The following ADGRL3 variants were observed in gnomAD, a reference collection of about 807,000 sequenced individuals.
ADGRL3 encodes the protein adhesion G protein-coupled receptor L3.
A neutral mutation model predicts 153.5 loss-of-function variants in ADGRL3; 62 were observed. The ratio of observed to expected loss-of-function variants is 0.40; its 90% CI spans 0.33 to 0.50. ADGRL3 has a LOEUF of 0.50. Among genes scored for constraint, ADGRL3 ranks in the 20% least tolerant of loss-of-function variants. The pLI is 0.47. For missense variants in ADGRL3, 1,641 were observed against 1,859.4 expected (o/e 0.88, Z 2.16); for synonymous variants, 710 against 672.5 (o/e 1.06, Z -0.86).
intron 9 of ADGRL3, among the ~76,000 whole-genome samples, chr4:61,861,048 A>G (rs1017625336): frequency 1.3e-5 from 2 of 152,226 alleles, no homozygotes; most frequent in Non-Finnish European, 2.9e-5. Flanking sequence ...ATTTCCAAGT[A>G]TAGTGAAGAT....
intron 8 of ADGRL3, among the ~76,000 whole-genome samples, chr4:61,745,869 T>C (rs1021048519): frequency 5.3e-5 from 8 of 152,108 alleles, no homozygotes; most frequent in African/African-American, 1.9e-4. Context: ...ATATTAACTT[T>C]AAATGTAAAT....
At chr4:61,204,199 A>G (rs1046123833) in intron 1 of ADGRL3, among the ~76,000 whole-genome samples, 2 of 152,168 alleles carry the variant, frequency 1.3e-5, no homozygotes, top group African/African-American at 2.4e-5. Context: ...GACCTCTTGA[A>G]AAAGCATAGA....
chr4:61,887,417 G>C (rs944651846), intron 9 of ADGRL3, among the ~76,000 whole-genome samples: 2 of 152,094 alleles, frequency 1.3e-5, no homozygotes, highest in Non-Finnish European at 2.9e-5. Context: ...TGCCTGTTTA[G>C]TTACTACTTG....
intron 4 of ADGRL3, among the ~76,000 whole-genome samples, chr4:61,549,151 A>G (rs569202587): frequency 1.3e-5 from 2 of 152,066 alleles, no homozygotes; most frequent in African/African-American, 4.8e-5. Flanking sequence ...ATGTTGGTAT[A>G]TAGGTATGCT....
chr4:61,591,119 C>T (rs1388990714), intron 5 of ADGRL3, among the ~76,000 whole-genome samples: 1 of 152,094 alleles, frequency 6.6e-6, no homozygotes, highest in Admixed American at 6.6e-5. Flanking sequence ...CAAGGATTGC[C>T]CTATCCTGAT....
intron 2 of ADGRL3, among the ~76,000 whole-genome samples, chr4:61,472,577 C>A (rs994468665): frequency 6.6e-6 from 1 of 151,960 alleles, no homozygotes; most frequent in East Asian, 1.9e-4. Flanking sequence ...GGTGAAATCC[C>A]ATCACATCTG....
chr4:61,509,359 C>A (rs1357685724), intron 3 of ADGRL3, among the ~76,000 whole-genome samples: 1 of 152,014 alleles, frequency 6.6e-6, no homozygotes, highest in Non-Finnish European at 1.5e-5. Context: ...AACTCCTGAC[C>A]TCGGGTGATC....
At chr4:61,325,712 G>T (rs997007767) in intron 1 of ADGRL3, among the ~76,000 whole-genome samples, 1 of 151,888 alleles carries the variant, frequency 6.6e-6, no homozygotes, top group Admixed American at 6.6e-5. Flanking sequence ...CTAATTTTAT[G>T]ATACTATTCT....
intron 4 of ADGRL3, among the ~76,000 whole-genome samples, chr4:61,579,290 T>C (rs1237598192): frequency 1.3e-5 from 2 of 152,134 alleles, no homozygotes; most frequent in East Asian, 3.9e-4. Flanking sequence ...TTCTTTTTAG[T>C]GGATTCTTGC....
At chr4:61,364,747 G>T (rs2096363911) in intron 1 of ADGRL3, among the ~76,000 whole-genome samples, 1 of 152,186 alleles carries the variant, frequency 6.6e-6, no homozygotes, top group Non-Finnish European at 1.5e-5. Flanking sequence ...AGTTAGAGAT[G>T]AAGACAGAGC....
At chr4:61,252,729 T>C (rs2091572483) in intron 1 of ADGRL3, among the ~76,000 whole-genome samples, 1 of 151,402 alleles carries the variant, frequency 6.6e-6, no homozygotes, top group South Asian at 2.1e-4. Context: ...TGATTCAAAA[T>C]GTGACATTTT....
intron 1 of ADGRL3, among the ~76,000 whole-genome samples, chr4:61,228,294 G>A (rs933369184): frequency 2.0e-5 from 3 of 152,076 alleles, no homozygotes; most frequent in African/African-American, 7.2e-5. Context: ...TTGAGAAAAG[G>A]AATATCATTA....
chr4:61,964,254 T>C (rs1015574671), intron 17 of ADGRL3, among the ~76,000 whole-genome samples: 1 of 152,176 alleles, frequency 6.6e-6, no homozygotes, highest in Admixed American at 6.5e-5. Context: ...ATTTTAGGGA[T>C]TGAATAACAA....
In ADGRL3 at chr4:62,006,324, A is replaced by T. The variant is rs1231933796; in HGVS notation, c.3395+8059A>T. Among the ~76,000 whole-genome samples the T allele has an allele frequency of 4.6e-5, 7 of 152,008 alleles. No individual in the cohort carries two copies. In the East Asian group the frequency reaches 9.7e-4, roughly 21 times the overall value. The stretch of plus-strand genomic sequence containing the variant: ...GTGCCTGAGCCGCGGAGCCCAGCCT[A>T]CATTTTTATGTAGATTCTAAGAGAA... On this transcript the variant is annotated intron_variant, in intron 21 of 26. Transcript: ENST00000683033.
At chr4:61,898,906 C>T (rs1373697498) in intron 11 of ADGRL3, among the ~76,000 whole-genome samples, 3 of 152,104 alleles carry the variant, frequency 2.0e-5, no homozygotes, top group African/African-American at 4.8e-5. Context: ...AGTGAGCCAC[C>T]ATGCCCCACC....
At chr4:61,809,561 C>T (rs1028032157) in intron 8 of ADGRL3, among the ~76,000 whole-genome samples, 5 of 152,006 alleles carry the variant, frequency 3.3e-5, no homozygotes, top group Non-Finnish European at 7.4e-5. Flanking sequence ...ATTAGGCCTT[C>T]CTTGAGCACC....
At position 62,059,061 on chromosome 4, in the gene ADGRL3, G is replaced by C. The variant is rs537273888; in HGVS notation, c.3815-9105G>C. ...AGGTTTTGTTTTCAGCACAGTCAGTGCTACCATTCTACCTAGTGAATGTGG... is the reference window on the plus strand; with the variant it reads ...AGGTTTTGTTTTCAGCACAGTCAGTCCTACCATTCTACCTAGTGAATGTGG... On this transcript the variant is annotated intron_variant, in intron 25 of 26. Coordinates refer to ENST00000683033, the MANE Select transcript of ADGRL3 (RefSeq NM_001387552.1). Among the ~76,000 whole-genome samples the C allele has an allele frequency of 3.9e-5, 6 of 152,306 alleles. No individual in the cohort carries two copies. In the East Asian group the frequency reaches 9.7e-4, roughly 25 times the overall value.
intron 9 of ADGRL3, among the ~76,000 whole-genome samples, chr4:61,858,972 A>G (rs1349942345): frequency 6.6e-6 from 1 of 152,242 alleles, no homozygotes; most frequent in Non-Finnish European, 1.5e-5. Flanking sequence ...ATTAAAATTT[A>G]AAAGATCGGA....
intron 21 of ADGRL3, among the ~76,000 whole-genome samples, chr4:62,002,065 T>C (rs749330284): frequency 1.1e-4 from 17 of 151,980 alleles, no homozygotes; most frequent in Admixed American, 3.9e-4. Flanking sequence ...CACTATCATC[T>C]TCAGAATCAC....
Sources: allele counts gnomAD v4.1 joint callset (sites outside exome capture counted in the v4.1 genomes callset), GRCh38; gene constraint gnomAD v4.1.1; transcripts MANE v1.5; gene names NCBI Gene and HGNC (gene_info 2026-07-23, HGNC 2026-07-21).